The following FHOD3 variants were observed in gnomAD, a reference collection of about 807,000 sequenced individuals.
The protein encoded by FHOD3 is FH1/FH2 domain-containing protein 3.
In FHOD3, 90 loss-of-function variants were observed where a neutral mutation model predicts 173.0. The observed-to-expected ratio is 0.52, with a 90% confidence interval of 0.44 to 0.62. The LOEUF is 0.62. FHOD3 is among the 20% of genes least tolerant of loss of function. The pLI is 0.00. For missense variants in FHOD3, 1,945 were observed against 2,034.7 expected, an observed-to-expected ratio of 0.96 and a Z score of 0.85; for synonymous variants, 828 against 823.0, an observed-to-expected ratio of 1.01 and a Z score of -0.10.
At chr18:36,407,628 C>G (rs150055053) in intron 3 of FHOD3, among the ~76,000 whole-genome samples, 1 of 152,328 alleles carries the variant, frequency 6.6e-6, no homozygotes, top group East Asian at 1.9e-4. Flanking sequence ...TGAAGTTTGT[C>G]TGACTCCGAA....
intron 3 of FHOD3, among the ~76,000 whole-genome samples, chr18:36,500,522 A>T (rs1323267595): frequency 6.6e-6 from 1 of 152,182 alleles, no homozygotes; most frequent in Non-Finnish European, 1.5e-5. Flanking sequence ...CATTGTTTTG[A>T]ATGCCTTTAT....
intron 6 of FHOD3, among the ~76,000 whole-genome samples, chr18:36,578,776 G>T (rs1180781068): frequency 1.3e-5 from 2 of 152,130 alleles, no homozygotes; most frequent in Non-Finnish European, 2.9e-5. Flanking sequence ...GGTTGGAAGG[G>T]CTTTTTCTCT....
At chr18:36,533,687 T>C (rs1484362243) in intron 5 of FHOD3, among the ~76,000 whole-genome samples, 1 of 152,084 alleles carries the variant, frequency 6.6e-6, no homozygotes, top group Non-Finnish European at 1.5e-5. Context: ...ACGACTTATG[T>C]CTTAGTTATT....
chr18:36,389,605 A>ATTG (rs112700974), intron 3 of FHOD3, among the ~76,000 whole-genome samples: 7,734 of 151,812 alleles, frequency 0.051, 666 homozygotes, highest in African/African-American at 0.18. Flanking sequence ...CATTGTTGTT[A>ATTG]TTGTTGTTGT....
At chr18:36,481,020 GT>G (rs35793521) in intron 3 of FHOD3, among the ~76,000 whole-genome samples, 16,068 of 103,906 alleles carry the variant, frequency 0.15, 698 homozygotes, top group Non-Finnish European at 0.2. Flanking sequence ...TTGGGAGGTG[GT>G]TTTTTTTTTT....
chr18:36,630,003 A>G (rs1728273706), intron 10 of FHOD3, among the ~76,000 whole-genome samples: 1 of 152,122 alleles, frequency 6.6e-6, no homozygotes, highest in Admixed American at 6.5e-5. Context: ...ACAAATAATT[A>G]TCTGTTTTAA....
At chr18:36,534,441 T>TG (rs1448997026) in intron 5 of FHOD3, among the ~76,000 whole-genome samples, 1 of 152,226 alleles carries the variant, frequency 6.6e-6, no homozygotes, top group Non-Finnish European at 1.5e-5. Flanking sequence ...CAAGGCTGAC[T>TG]GGCAGAGGTG....
intron 20 of FHOD3, among the ~76,000 whole-genome samples, chr18:36,732,252 AC>A (rs1350329545): frequency 7.9e-5 from 12 of 152,172 alleles, no homozygotes; most frequent in African/African-American, 2.7e-4. Flanking sequence ...TCCTGCTGAC[AC>A]CTTGATTTTG....
chr18:36,460,028 C>T (rs544471757), intron 3 of FHOD3, among the ~76,000 whole-genome samples: 5 of 152,246 alleles, frequency 3.3e-5, no homozygotes, highest in South Asian at 4.1e-4. Context: ...AAGTGTCCCT[C>T]GATTGTGATT....
At chr18:36,741,856 A>G (rs1475232568) in intron 21 of FHOD3, among the ~76,000 whole-genome samples, 1 of 151,952 alleles carries the variant, frequency 6.6e-6, no homozygotes, top group Non-Finnish European at 1.5e-5. Context: ...TGAGGGCCAG[A>G]TGGTGGTGGG....
chr18:36,718,466 T>C lies in FHOD3; in HGVS notation c.3168T>C (p.Pro1056=), dbSNP rs1203540036. The change falls in exon 19 of 29, where the codon CCT becomes CCC. Residue 1056 remains proline (P), a synonymous_variant. Coordinates refer to ENST00000590592, the MANE Select transcript of FHOD3 (RefSeq NM_001281740.3). ...CTGTCCCTGGTAATTTATTGGTTCCTCCTCCTCCAGTGTTCAACGCTCCTC... is the reference window on the plus strand; with the variant it reads ...CTGTCCCTGGTAATTTATTGGTTCCCCCTCCTCCAGTGTTCAACGCTCCTC... The part of the protein sequence containing the change: ...PPPVPGNLLV[P]PPPVFNAPQG... 6.2e-7 allele frequency: 1 copy of C among 1,610,018 alleles called. No individual in the cohort carries two copies. The highest frequency in any genetic ancestry group is 1.7e-5 in the Admixed American group (1 of 59,492).
intron 1 of FHOD3, among the ~76,000 whole-genome samples, chr18:36,332,809 G>T (rs898215923): frequency 1.1e-4 from 16 of 152,160 alleles, no homozygotes; most frequent in Admixed American, 2.6e-4. Flanking sequence ...CTCTGCCTGG[G>T]CCCCAGCCAT....
chr18:36,318,106 A>G (rs1568114800), intron 1 of FHOD3, among the ~76,000 whole-genome samples: 1 of 151,124 alleles, frequency 6.6e-6, no homozygotes, highest in Non-Finnish European at 1.5e-5. Context: ...TACCAGTACC[A>G]TGCTGTTTTG....
At chr18:36,773,898 G>A (rs774188586) in intron 28 of FHOD3, among the ~76,000 whole-genome samples, 26 of 152,188 alleles carry the variant, frequency 1.7e-4, no homozygotes, top group Admixed American at 3.3e-4. Context: ...TGTCAGCATA[G>A]CACTTGGCTA....
intron 19 of FHOD3, among the ~76,000 whole-genome samples, chr18:36,726,133 TTA>T (rs1324006961): frequency 6.6e-6 from 1 of 150,572 alleles, no homozygotes; most frequent in African/African-American, 2.4e-5. Flanking sequence ...TGTATTACTT[TTA>T]TATATATTTT....
chr18:36,645,039 A>C (rs1413130541), intron 10 of FHOD3, among the ~76,000 whole-genome samples: 1 of 152,200 alleles, frequency 6.6e-6, no homozygotes, highest in Non-Finnish European at 1.5e-5. Flanking sequence ...AGGTGGCCTC[A>C]TGATGGAGCT....
At chr18:36,450,546 CT>C (rs1199166502) in intron 3 of FHOD3, among the ~76,000 whole-genome samples, 1 of 151,896 alleles carries the variant, frequency 6.6e-6, no homozygotes, top group Non-Finnish European at 1.5e-5. Flanking sequence ...AATCCTAGCA[CT>C]TTGGGAGGCC....
intron 3 of FHOD3, among the ~76,000 whole-genome samples, chr18:36,493,030 C>T (rs2054545672): frequency 6.6e-6 from 1 of 152,108 alleles, no homozygotes; most frequent in Non-Finnish European, 1.5e-5. Context: ...GCTCTGGGGC[C>T]AGCATCTATG....
At chr18:36,759,801 G>A (rs1244022330) in intron 26 of FHOD3, among the ~76,000 whole-genome samples, 1 of 152,240 alleles carries the variant, frequency 6.6e-6, no homozygotes, top group Non-Finnish European at 1.5e-5. Context: ...GACACTGGGT[G>A]ACAAAGGAAG....
Sources: gnomAD v4.1 joint callset for allele counts (sites outside exome capture counted in the v4.1 genomes callset) on GRCh38, gnomAD v4.1.1 for gene constraint, MANE v1.5 for transcripts, NCBI Gene and HGNC (gene_info 2026-07-23, HGNC 2026-07-21) for gene names.